Variants in SVEP1 observed in about 807,000 individuals in gnomAD.
SVEP1 encodes sushi, von Willebrand factor type A, EGF and pentraxin domain-containing protein 1.
SVEP1 carries 164 observed loss-of-function variants against 367.3 expected under a neutral mutation model. The ratio of observed to expected loss-of-function variants is 0.45; its 90% CI spans 0.39 to 0.51. The LOEUF (loss-of-function observed/expected upper bound fraction) is 0.51. Ranked by LOEUF, SVEP1 falls within the 20% of genes least tolerant of loss-of-function variation. The probability of loss-of-function intolerance (pLI) is 0.00; values close to 1 mark genes in which losing one functional copy is unlikely to be tolerated. For synonymous variants in SVEP1, 1,666 were observed against 1,611.6 expected (o/e 1.03, Z -0.81); for missense variants, 4,117 against 4,425.3 (o/e 0.93, Z 1.98).
rs745636618 is a variant in SVEP1, at chr9:110,579,190, C to G, written c.354G>C (p.Thr118=). The G allele has an allele frequency of 6.4e-7, 1 of 1,570,032 alleles. No homozygotes were observed. The highest frequency in any genetic ancestry group is 1.2e-5 in the South Asian group (1 of 85,290). Reference sequence around the variant, plus strand: ...AGGTCACGATGGCCACGCGCGTGGCCGTGGGCACCACGGGGAAGTCGGACA... The same window carrying G: ...AGGTCACGATGGCCACGCGCGTGGCGGTGGGCACCACGGGGAAGTCGGACA... ...KLLSDFPVVP[T]ATRVAIVTFS... is the part of the protein sequence containing the mutation. Residue 118 remains threonine, a synonymous_variant, in exon 1 of 48, where the codon ACG becomes ACC. Coordinates refer to ENST00000374469, the MANE Select transcript of SVEP1 (RefSeq NM_153366.4). This position sits in a 1 kb window ranked among gnomAD's most constrained non-coding sequence, Gnocchi z 5.3.
At position 110,401,476 on chromosome 9, in the gene SVEP1, G is replaced by C. The variant is rs1018808148; in HGVS notation, c.9667-467C>G. Among the ~76,000 whole-genome samples the C allele has an allele frequency of 2.7e-5, 4 of 150,358 alleles. No individual in the cohort carries two copies. In the East Asian group the frequency reaches 7.8e-4, roughly 29 times the overall value. On this transcript the variant is annotated intron_variant, in intron 39 of 47. Coordinates refer to ENST00000374469, the MANE Select transcript of SVEP1 (RefSeq NM_153366.4). ...AGCTTCCTTTTCTCCATTCCAACGA[G>C]AACACCTAAAAACATTTTATCACAT...
chr9:110,576,973 C>A (rs779663826), intron 1 of SVEP1, among the ~76,000 whole-genome samples: 29 of 152,024 alleles, frequency 1.9e-4, no homozygotes, highest in Non-Finnish European at 3.7e-4. Flanking sequence ...AAAACTATTT[C>A]TCTGATTTGG....
rs1342925538 is a variant in SVEP1, at chr9:110,446,950, G to A, written c.4211C>T (p.Ser1404Leu). ...NQATCVDELN[S>L]YSCKCQPGFS... is the part of the protein sequence containing the mutation. ...TCCTGGCTGACATTTACAACTGTAT[G>A]AATTTAATTCATCCACACAGGTGGC... The change falls in exon 25 of 48, where the codon TCA becomes TTA. Residue 1404 changes from serine (S) to leucine (L), a missense_variant. Physicochemically the swap from Ser to Leu is moderately radical, Grantham distance 145. Coordinates refer to ENST00000374469, the MANE Select transcript of SVEP1 (RefSeq NM_153366.4). 1.3e-6 allele frequency: 2 copies of A among 1,545,004 alleles called. No individual in the cohort carries two copies. Among genetic ancestry groups the A allele is most frequent in the South Asian group, 2.4e-5 (2 of 81,952 alleles).
intron 1 of SVEP1, among the ~76,000 whole-genome samples, chr9:110,565,798 C>A (rs1242862650): frequency 6.6e-6 from 1 of 151,882 alleles, no homozygotes. Flanking sequence ...TGCCTCCTGA[C>A]TTTGCAATGA....
chr9:110,367,833 C>G (rs1465522468), intron 47 of SVEP1, among the ~76,000 whole-genome samples: 2 of 152,168 alleles, frequency 1.3e-5, no homozygotes, highest in Admixed American at 1.3e-4. Context: ...GTAATCCCAG[C>G]ATTTTGGGAG....
intron 26 of SVEP1, among the ~76,000 whole-genome samples, chr9:110,445,490 T>A (rs1186417348): frequency 6.6e-6 from 1 of 152,218 alleles, no homozygotes; most frequent in East Asian, 1.9e-4. Context: ...GACTTAGCCC[T>A]GCTACTCCCA....
Position 110,489,542 on chromosome 9 carries a change from A to G in SVEP1, c.1930+108T>C, listed in dbSNP as rs758779661. 8 of 1,078,308 alleles carry G rather than the reference A, an allele frequency of 7.4e-6. No individual in the cohort carries two copies. The South Asian group carries it at 1.0e-4, about 14-fold the overall frequency. The allele number at this position is 1,078,308 out of a possible 1,614,324, so 66.8% of individuals were successfully genotyped here. A position where few individuals can be genotyped will look rare whatever the true frequency, so the allele number is the denominator to read the frequency against. On this transcript the variant is annotated intron_variant, in intron 9 of 47. Coordinates refer to ENST00000374469, the MANE Select transcript of SVEP1 (RefSeq NM_153366.4). Reference sequence around the variant, plus strand: ...GACAGCATGGGAAAGACCCACCTCTATGATTCAATTACCTCCCACTGGGTC... The same window carrying G: ...GACAGCATGGGAAAGACCCACCTCTGTGATTCAATTACCTCCCACTGGGTC...
intron 47 of SVEP1, 98 bp from the exon 48 acceptor site, chr9:110,366,658 G>T: frequency 8.1e-7 from 1 of 1,233,002 alleles, no homozygotes; most frequent in Non-Finnish European, 1.1e-6. Flanking sequence ...AGGATTGAAA[G>T]TCCCAGATAC....
chr9:110,572,778 T>C (rs1004226696), intron 1 of SVEP1, among the ~76,000 whole-genome samples: 3 of 83,982 alleles, frequency 3.6e-5, no homozygotes, highest in Non-Finnish European at 6.6e-5. Flanking sequence ...GGTGACCCTC[T>C]CTCTCTCTCA....
At chr9:110,578,973 C>G (rs905194293) in intron 1 of SVEP1, 40 bp downstream of exon 1, 12 of 1,540,526 alleles carry the variant, frequency 7.8e-6, no homozygotes, top group African/African-American at 4.2e-5. Context: ...TCGAAGGGCC[C>G]GGGGACTAGG....
chr9:110,450,636 A>G (rs1374637693), intron 23 of SVEP1, among the ~76,000 whole-genome samples: 1 of 150,232 alleles, frequency 6.7e-6, no homozygotes, highest in East Asian at 2.0e-4. Flanking sequence ...CACCTGGCTA[A>G]TTTTTGTATT....
rs1200059046 is a variant in SVEP1, at chr9:110,521,524, T to C, written c.965-7418A>G. 4.6e-5 allele frequency among the ~76,000 whole-genome samples: 7 copies of C among 152,000 alleles called. No individual in the cohort carries two copies. The South Asian group carries it at 1.5e-3, about 32-fold the overall frequency. On this transcript the variant is annotated intron_variant, in intron 3 of 47. Coordinates refer to ENST00000374469, the MANE Select transcript of SVEP1 (RefSeq NM_153366.4). ...CTCAAAGGACTGTGTACAAAAGAGG[T>C]TGCATCAGCAAAGTAATTTTTATAT... is the stretch of plus-strand genomic sequence containing the variant.
chr9:110,392,146 T>TATATATAC (rs1827666576), intron 40 of SVEP1, among the ~76,000 whole-genome samples: 1 of 148,010 alleles, frequency 6.8e-6, no homozygotes, highest in South Asian at 2.1e-4. Context: ...TATATATATA[T>TATATATAC]ATATATATCT....
chr9:110,448,458 T>A (rs1385192596), intron 24 of SVEP1, among the ~76,000 whole-genome samples: 6 of 152,250 alleles, frequency 3.9e-5, no homozygotes, highest in Non-Finnish European at 8.8e-5. Flanking sequence ...TAACTGGTGT[T>A]TGGAGGATGT....
intron 5 of SVEP1, among the ~76,000 whole-genome samples, chr9:110,510,629 C>T (rs534278010): frequency 2.0e-5 from 3 of 152,274 alleles, no homozygotes; most frequent in Non-Finnish European, 2.9e-5. Context: ...TAGGATCAGA[C>T]GCGAGGCTTG....
chr9:110,491,682 A>G (rs549320041), intron 8 of SVEP1, among the ~76,000 whole-genome samples: 1 of 152,014 alleles, frequency 6.6e-6, no homozygotes, highest in East Asian at 1.9e-4. Context: ...TCAGGGATAC[A>G]AAGAGTAAGT....
chr9:110,552,134 C>T (rs143859682), intron 1 of SVEP1, among the ~76,000 whole-genome samples: 11,044 of 147,372 alleles, frequency 0.075, 447 homozygotes, highest in Middle Eastern at 0.23. Flanking sequence ...CAGGTTCAAG[C>T]GATTCTCCTG....
At position 110,370,004 on chromosome 9, in the gene SVEP1, G is replaced by C; in HGVS notation, c.10613C>G (p.Ser3538Cys). 1 of 1,612,854 alleles carries C rather than the reference G, an allele frequency of 6.2e-7. No homozygotes were observed. Among genetic ancestry groups the C allele is most frequent in the Non-Finnish European group, 8.5e-7 (1 of 1,179,410 alleles). The change falls in exon 47 of 48, where the codon TCT becomes TGT. Residue 3538 changes from serine to cysteine, a missense_variant. Ser to Cys is a moderately radical substitution (Grantham distance 112). Coordinates refer to ENST00000374469, the MANE Select transcript of SVEP1 (RefSeq NM_153366.4). ...GSRCHTAVCQ[S>C]PCLNGGKCVR... ...ACATTTTCCACCATTTAAGCAGGGA[G>C]ACTGGCAAACAGCTGGAATAAAAAA...
At chr9:110,496,248 G>C (rs977163196) in intron 8 of SVEP1, among the ~76,000 whole-genome samples, 1 of 152,198 alleles carries the variant, frequency 6.6e-6, no homozygotes, top group Non-Finnish European at 1.5e-5. Flanking sequence ...GGGTGTGTCT[G>C]TGAGGATGTT....
Sources: allele counts gnomAD v4.1 joint callset (sites outside exome capture counted in the v4.1 genomes callset), GRCh38; gene constraint gnomAD v4.1.1; non-coding constraint Gnocchi (gnomAD v3.1); transcripts MANE v1.5; gene names NCBI Gene and HGNC (gene_info 2026-07-23, HGNC 2026-07-21).